Variants in PSAP observed in about 807,000 individuals in gnomAD.
The protein encoded by PSAP is prosaposin, also known as precursor of saposins.
In PSAP, 25 loss-of-function variants were observed where a neutral mutation model predicts 66.0. The ratio of observed to expected loss-of-function variants is 0.38; its 90% CI spans 0.28 to 0.53. PSAP has a LOEUF of 0.53. Among genes scored for constraint, PSAP ranks in the 20% least tolerant of loss-of-function variants. PSAP has a pLI of 0.83. For missense variants in PSAP, 649 were observed against 668.8 expected (o/e 0.97, Z 0.33); for synonymous variants, 273 against 258.9 (o/e 1.05, Z -0.52).
At chr10:71,819,990 A>G (rs1842265229) in intron 9 of PSAP, 90 bp from the exon 10 acceptor site, 2 of 1,200,416 alleles carry the variant, frequency 1.7e-6, no homozygotes, top group East Asian at 4.9e-5. Context: ...CCAGGAAATG[A>G]GTCAATGGTG....
chr10:71,826,922 T>C (rs1842407220), intron 6 of PSAP, among the ~76,000 whole-genome samples: 1 of 152,150 alleles, frequency 6.6e-6, no homozygotes, highest in African/African-American at 2.4e-5. Flanking sequence ...CACCTGAGTG[T>C]GATTAATAAT....
chr10:71,842,034 G>A (rs947362842), intron 1 of PSAP, among the ~76,000 whole-genome samples: 13 of 151,202 alleles, frequency 8.6e-5, no homozygotes, highest in South Asian at 2.1e-4. Context: ...GAACATCTCC[G>A]CATGGGTTAG....
At chr10:71,848,125 C>T (rs1046721972) in intron 1 of PSAP, among the ~76,000 whole-genome samples, 1 of 152,174 alleles carries the variant, frequency 6.6e-6, no homozygotes, top group Admixed American at 6.5e-5. Flanking sequence ...TGTAAAAGAT[C>T]GAAACTGCAG....
chr10:71,844,981 AT>A (rs1471544645), intron 1 of PSAP, among the ~76,000 whole-genome samples: 4 of 152,222 alleles, frequency 2.6e-5, no homozygotes, highest in African/African-American at 9.7e-5. Flanking sequence ...GAAAGACCAC[AT>A]TCACATAATT....
chr10:71,825,175 T>C (rs758084533), intron 7 of PSAP, among the ~76,000 whole-genome samples: 2 of 152,156 alleles, frequency 1.3e-5, no homozygotes, highest in Non-Finnish European at 2.9e-5. Context: ...AACGCTGGTA[T>C]GTCAATCTCA....
chr10:71,846,795 T>C (rs1842833777), intron 1 of PSAP, among the ~76,000 whole-genome samples: 1 of 150,530 alleles, frequency 6.6e-6, no homozygotes, highest in African/African-American at 2.4e-5. Context: ...GTACTCTCTT[T>C]CATTGATCTG....
chr10:71,823,604 G>A (rs774935431), intron 7 of PSAP, among the ~76,000 whole-genome samples: 9 of 152,284 alleles, frequency 5.9e-5, no homozygotes, highest in East Asian at 3.9e-4. Context: ...CTGGTGGCCT[G>A]CATGTACGTA....
intron 1 of PSAP, among the ~76,000 whole-genome samples, chr10:71,847,065 C>T (rs1295691947): frequency 6.6e-6 from 1 of 152,180 alleles, no homozygotes; most frequent in Non-Finnish European, 1.5e-5. Context: ...GTCTCACTCA[C>T]CAAGAAAATG....
intron 6 of PSAP, among the ~76,000 whole-genome samples, chr10:71,827,409 A>AAC (rs1842416366): frequency 7.0e-6 from 1 of 143,050 alleles, no homozygotes. Flanking sequence ...AAAAAAGAAA[A>AAC]AAAAAAAAGA....
rs1589447082 is a variant in PSAP at position 71,820,303 on chromosome 10, G to A, written c.942C>T (p.Tyr314=). The change falls in exon 9 of 14, where the codon TAC becomes TAT. Residue 314 remains tyrosine, a synonymous_variant. Transcript: ENST00000394936. ...KHEVPAKSDV[Y]CEVCEFLVKE... ...TCACCAGGAATTCACACACCTCACAGTAAACATCAGACTTTGCTGGGACCT... is the reference window on the plus strand; with the variant it reads ...TCACCAGGAATTCACACACCTCACAATAAACATCAGACTTTGCTGGGACCT... 12 of 1,614,156 alleles carry A rather than the reference G, an allele frequency of 7.4e-6. No individual in the cohort carries two copies. The highest frequency in any genetic ancestry group is 1.3e-5 in the African/African-American group (1 of 75,042).
chr10:71,828,251 T>C lies in PSAP; in HGVS notation c.577-94A>G. The C allele has an allele frequency of 5.9e-6, 8 of 1,350,816 alleles. 1 individual carries two copies. In the South Asian group the frequency reaches 9.4e-5, roughly 16 times the overall value. 83.7% of individuals were successfully genotyped at this position (1,350,816 alleles called of 1,614,324 possible). A position where few individuals can be genotyped will look rare whatever the true frequency, so the allele number is the denominator to read the frequency against. On this transcript the variant is annotated intron_variant, in intron 5 of 13. Coordinates refer to ENST00000394936, the MANE Select transcript of PSAP (RefSeq NM_002778.4). ...TCAGGGCTGCAGCATTAGGGGGCACTTGCTGACCAGTTCCTAAGATGCTTT... is the reference window on the plus strand; with the variant it reads ...TCAGGGCTGCAGCATTAGGGGGCACCTGCTGACCAGTTCCTAAGATGCTTT...
rs545576514 is a variant in PSAP at position 71,843,656 on chromosome 10, G to C, written c.40+7526C>G. Among the ~76,000 whole-genome samples the C allele has an allele frequency of 4.6e-5, 7 of 152,264 alleles. No homozygotes were observed. In the South Asian group the frequency reaches 1.5e-3, roughly 32 times the overall value. The stretch of plus-strand genomic sequence containing the variant: ...ACCTAGCAGTTTATTAGACGTCGAT[G>C]TCCATCAATAGGGATTAAAAAGACA... On this transcript the variant is annotated intron_variant, in intron 1 of 13. Coordinates refer to ENST00000394936, the MANE Select transcript of PSAP (RefSeq NM_002778.4).
chr10:71,828,229 G>C (rs1842432889), intron 5 of PSAP, 72 bp from the exon 6 acceptor site: 3 of 1,552,006 alleles, frequency 1.9e-6, no homozygotes, highest in Non-Finnish European at 2.7e-6. Flanking sequence ...TATATACTCA[G>C]GGCTGCAGCA....
chr10:71,823,625 G>A (rs982978220), intron 7 of PSAP, among the ~76,000 whole-genome samples: 7 of 152,114 alleles, frequency 4.6e-5, no homozygotes, highest in Non-Finnish European at 1.0e-4. Flanking sequence ...TGCTGTATGT[G>A]GACTGTGACC....
At chr10:71,836,425 C>T (rs1427675265) in intron 1 of PSAP, among the ~76,000 whole-genome samples, 1 of 152,080 alleles carries the variant, frequency 6.6e-6, no homozygotes, top group Non-Finnish European at 1.5e-5. Context: ...AGAGACAGCA[C>T]AAATAGGAAC....
At chr10:71,820,734 T>A (rs768627453) in intron 8 of PSAP, among the ~76,000 whole-genome samples, 3 of 152,206 alleles carry the variant, frequency 2.0e-5, no homozygotes, top group Non-Finnish European at 4.4e-5. Context: ...CGGTCCACTA[T>A]CTAGAAGACA....
intron 1 of PSAP, among the ~76,000 whole-genome samples, chr10:71,837,879 T>C (rs1241442353): frequency 6.6e-6 from 1 of 152,224 alleles, no homozygotes. Flanking sequence ...AACTGTCCTG[T>C]CTTTTCAGGA....
At position 71,819,587 on chromosome 10, in the gene PSAP, C is replaced by G. The variant is rs755171005; in HGVS notation, c.1228G>C (p.Glu410Gln). The G allele has an allele frequency of 5.6e-6, 9 of 1,614,120 alleles. No homozygotes were observed. The highest frequency in any genetic ancestry group is 7.6e-6 in the Non-Finnish European group (9 of 1,180,056). ...TAACCCACCAGCTTCTTGCACACTT[C>G]GCAGAAGCCACCGTCCTTTGGCTGA... is the stretch of plus-strand genomic sequence containing the variant. ...VTQPKDGGFCEVCKKLVGYLD... is the reference protein window; with the variant it reads ...VTQPKDGGFCQVCKKLVGYLD... The change falls in exon 11 of 14, where the codon GAA (glutamate) becomes CAA (glutamine). Residue 410 changes from glutamate to glutamine, a missense_variant. By Grantham distance (29) the Glu-to-Gln change is conservative. Transcript: ENST00000394936.
intron 2 of PSAP, among the ~76,000 whole-genome samples, chr10:71,833,893 TGA>T (rs1372104238): frequency 1.3e-5 from 2 of 152,336 alleles, no homozygotes; most frequent in East Asian, 3.9e-4. Flanking sequence ...TTTGCCTGTT[TGA>T]GAGGAGTGAG....
Sources: gnomAD v4.1 joint callset for allele counts (sites outside exome capture counted in the v4.1 genomes callset) on GRCh38, gnomAD v4.1.1 for gene constraint, MANE v1.5 for transcripts, NCBI Gene and HGNC (gene_info 2026-07-23, HGNC 2026-07-21) for gene names.